ATF7IP2: variants seen among roughly 807,000 people sequenced by gnomAD.
ATF7IP2 encodes activating transcription factor 7-interacting protein 2.
In ATF7IP2, 42 loss-of-function variants were observed where a neutral mutation model predicts 64.2. That is an observed-to-expected ratio of 0.65 (90% CI 0.51 to 0.85). The LOEUF is 0.85. Among genes scored for constraint, ATF7IP2 ranks in the 40% least tolerant of loss-of-function variants. The pLI is 0.00. For missense variants in ATF7IP2, 933 were observed against 784.2 expected (o/e 1.19, Z -2.27); for synonymous variants, 308 against 272.8 (o/e 1.13, Z -1.27).
At chr16:10,423,981 G>T (rs1203428696) in intron 3 of ATF7IP2, among the ~76,000 whole-genome samples, 1 of 152,228 alleles carries the variant, frequency 6.6e-6, no homozygotes, top group Non-Finnish European at 1.5e-5. Flanking sequence ...CTTCATAGCT[G>T]AGAGCCACGA....
chr16:10,436,491 T>A (rs1255366898), intron 6 of ATF7IP2, among the ~76,000 whole-genome samples: 1 of 151,738 alleles, frequency 6.6e-6, no homozygotes, highest in African/African-American at 2.4e-5. Flanking sequence ...AGAGAAACCA[T>A]GGAAGAAATG....
chr16:10,474,037 A>G, intron 12 of ATF7IP2, 48 bp downstream of exon 12: 1 of 1,233,306 alleles, frequency 8.1e-7, no homozygotes, highest in Non-Finnish European at 1.2e-6. Flanking sequence ...AGGGAAGGGT[A>G]ACAACTCATA....
At chr16:10,411,905 GT>G (rs992175796) in intron 1 of ATF7IP2, among the ~76,000 whole-genome samples, 42 of 82,918 alleles carry the variant, frequency 5.1e-4, no homozygotes, top group Admixed American at 1.5e-3. Context: ...GAGCTTATTT[GT>G]TTTTTTTTTT....
At chr16:10,462,456 T>C (rs55913088) in intron 9 of ATF7IP2, among the ~76,000 whole-genome samples, 17,349 of 152,100 alleles carry the variant, frequency 0.11, 1,234 homozygotes, top group African/African-American at 0.19. Context: ...TTTTGAAGGG[T>C]ATTTTAACTT....
intron 8 of ATF7IP2, among the ~76,000 whole-genome samples, chr16:10,454,849 G>T (rs1596560778): frequency 1.3e-5 from 2 of 152,148 alleles, no homozygotes; most frequent in East Asian, 3.8e-4. Context: ...TTATTTGGAA[G>T]TGTGTGTTTA....
chr16:10,415,232 G>A (rs1431019973), intron 2 of ATF7IP2, among the ~76,000 whole-genome samples: 1 of 152,140 alleles, frequency 6.6e-6, no homozygotes, highest in African/African-American at 2.4e-5. Context: ...AAGTTATACT[G>A]CAGAGCTATA....
chr16:10,411,566 C>T (rs1241433926), intron 1 of ATF7IP2, among the ~76,000 whole-genome samples: 1 of 151,996 alleles, frequency 6.6e-6, no homozygotes, highest in Non-Finnish European at 1.5e-5. Context: ...GATGTGGTTT[C>T]ACCATGTTGG....
At chr16:10,401,307 A>G (rs1333227927) in intron 1 of ATF7IP2, among the ~76,000 whole-genome samples, 1 of 152,016 alleles carries the variant, frequency 6.6e-6, no homozygotes, top group Non-Finnish European at 1.5e-5. Context: ...ACCTGGGATT[A>G]CAGGTGCGTA....
At chr16:10,411,905 G>GTTTTTT (rs992175796) in intron 1 of ATF7IP2, among the ~76,000 whole-genome samples, 1 of 82,904 alleles carries the variant, frequency 1.2e-5, no homozygotes, top group African/African-American at 4.0e-5. Context: ...GAGCTTATTT[G>GTTTTTT]TTTTTTTTTT....
intron 1 of ATF7IP2, among the ~76,000 whole-genome samples, chr16:10,409,039 C>G (rs778043109): frequency 1.3e-5 from 2 of 152,238 alleles, no homozygotes; most frequent in Non-Finnish European, 2.9e-5. Flanking sequence ...TTCACGATCA[C>G]AAGAGCACAC....
intron 8 of ATF7IP2, among the ~76,000 whole-genome samples, chr16:10,456,956 A>C (rs1345714717): frequency 6.6e-6 from 1 of 152,220 alleles, no homozygotes; most frequent in Non-Finnish European, 1.5e-5. Flanking sequence ...TGAATGTTTC[A>C]GCTTCAAGTT....
intron 9 of ATF7IP2, among the ~76,000 whole-genome samples, chr16:10,460,500 G>C (rs2049338394): frequency 6.6e-6 from 1 of 152,156 alleles, no homozygotes; most frequent in African/African-American, 2.4e-5. Context: ...CATGAGATTG[G>C]CATGCGCTGG....
chr16:10,424,246 C>T (rs2048041466), intron 3 of ATF7IP2, among the ~76,000 whole-genome samples: 1 of 152,194 alleles, frequency 6.6e-6, no homozygotes, highest in African/African-American at 2.4e-5. Context: ...GGCATCATAG[C>T]CATCACGAGC....
At chr16:10,449,269 T>A (rs2048909318) in intron 8 of ATF7IP2, 1 of 152,074 alleles carries the variant, frequency 6.6e-6, no homozygotes, top group Admixed American at 6.5e-5. Context: ...GGCCTGAAAT[T>A]TTCTTTTGTT....
At chr16:10,406,575 G>A (rs774741661) in intron 1 of ATF7IP2, among the ~76,000 whole-genome samples, 1 of 152,140 alleles carries the variant, frequency 6.6e-6, no homozygotes, top group Non-Finnish European at 1.5e-5. Flanking sequence ...CATTTATGCA[G>A]ACTATGAAAA....
At chr16:10,477,625 C>T (rs1332231608) in intron 12 of ATF7IP2, among the ~76,000 whole-genome samples, 1 of 152,048 alleles carries the variant, frequency 6.6e-6, no homozygotes, top group Non-Finnish European at 1.5e-5. Context: ...TCCTATTCAA[C>T]ATAGTGTTGG....
intron 8 of ATF7IP2, among the ~76,000 whole-genome samples, chr16:10,444,387 A>T (rs1052770347): frequency 6.6e-6 from 1 of 152,046 alleles, no homozygotes; most frequent in Admixed American, 6.6e-5. Context: ...GCACTAGATA[A>T]GGTCTCCCAG....
At chr16:10,479,958 CTTTTTTTTTTTTTTT>C (rs201158427) in intron 12 of ATF7IP2, among the ~76,000 whole-genome samples, 57 of 80,570 alleles carry the variant, frequency 7.1e-4, no homozygotes, top group African/African-American at 1.5e-3. Context: ...ACTGGAAATA[CTTTTTTTTTTTTTTT>C]TTTTTTTTTT....
At chr16:10,427,821 G>A (rs1024559272) in intron 3 of ATF7IP2, among the ~76,000 whole-genome samples, 1 of 150,390 alleles carries the variant, frequency 6.6e-6, no homozygotes, top group Admixed American at 6.6e-5. Flanking sequence ...CTGCACTCCA[G>A]CCTGGGTAAC....
Sources: gnomAD v4.1 joint callset for allele counts (sites outside exome capture counted in the v4.1 genomes callset) on GRCh38, gnomAD v4.1.1 for gene constraint, MANE v1.5 for transcripts, NCBI Gene and HGNC (gene_info 2026-07-23, HGNC 2026-07-21) for gene names.